MCC: variants seen among roughly 807,000 people sequenced by gnomAD.
The protein encoded by MCC is colorectal mutant cancer protein.
MCC carries 90 observed loss-of-function variants against 116.2 expected under a neutral mutation model. The observed-to-expected ratio is 0.77, with a 90% confidence interval of 0.65 to 0.92. The LOEUF (loss-of-function observed/expected upper bound fraction) is 0.92. MCC is among the 40% of genes least tolerant of loss of function. The pLI is 0.00. For missense variants in MCC, 1,516 were observed against 1,312.2 expected, an observed-to-expected ratio of 1.16 and a Z score of -2.40; for synonymous variants, 578 against 510.5, an observed-to-expected ratio of 1.13 and a Z score of -1.78.
chr5:113,458,177 C>G (rs1377090335), intron 1 of MCC, among the ~76,000 whole-genome samples: 1 of 152,180 alleles, frequency 6.6e-6, no homozygotes, highest in Admixed American at 6.5e-5. Flanking sequence ...AAGCTTTGTT[C>G]TTTTGCTCTT....
At position 113,053,924 on chromosome 5, in the gene MCC, T is replaced by C. The variant is rs755871271; in HGVS notation, c.2249A>G (p.Glu750Gly). The C allele has an allele frequency of 6.2e-7, 1 of 1,613,714 alleles. No homozygotes were observed. Among genetic ancestry groups the C allele is most frequent in the Admixed American group, 1.7e-5 (1 of 60,008 alleles). Reference sequence around the variant, plus strand: ...CCTCTGCTCGTCTTCTTTAGTGAACTCGGTGTCGCAACTACTGGCTGTGGA... The same window carrying C: ...CCTCTGCTCGTCTTCTTTAGTGAACCCGGTGTCGCAACTACTGGCTGTGGA... ...TSSTASSCDTEFTKEDEQRLK... is the reference protein window; with the variant it reads ...TSSTASSCDTGFTKEDEQRLK... Residue 750 changes from glutamate (E) to glycine (G), a missense_variant, in exon 15 of 19, where the codon GAG becomes GGG. Transcript: ENST00000408903.
intron 3 of MCC, among the ~76,000 whole-genome samples, chr5:113,339,677 T>C (rs1420637443): frequency 2.0e-5 from 3 of 152,218 alleles, no homozygotes; most frequent in African/African-American, 4.8e-5. Flanking sequence ...ATTGTTGCCA[T>C]ATTTACAATT....
chr5:113,475,647 A>G (rs1309992302), intron 1 of MCC, among the ~76,000 whole-genome samples: 1 of 152,180 alleles, frequency 6.6e-6, no homozygotes, highest in African/African-American at 2.4e-5. Flanking sequence ...TTTTCAATTT[A>G]TGGAACAAGA....
chr5:113,477,504 A>T (rs546713441), intron 1 of MCC, among the ~76,000 whole-genome samples: 2 of 152,336 alleles, frequency 1.3e-5, no homozygotes, highest in Non-Finnish European at 2.9e-5. Context: ...GTAAAGGGCA[A>T]CAAGCAAGGT....
At chr5:113,088,292 A>G (rs1755346084) in intron 8 of MCC, among the ~76,000 whole-genome samples, 1 of 152,044 alleles carries the variant, frequency 6.6e-6, no homozygotes, top group African/African-American at 2.4e-5. Flanking sequence ...TAAATGCAAG[A>G]AACTAAGGCT....
intron 1 of MCC, among the ~76,000 whole-genome samples, chr5:113,423,810 T>C (rs1449692937): frequency 2.0e-5 from 3 of 152,186 alleles, no homozygotes; most frequent in Non-Finnish European, 4.4e-5. Context: ...TTATTTTCTA[T>C]AGTGGCTGAT....
intron 2 of MCC, among the ~76,000 whole-genome samples, chr5:113,373,037 G>T (rs1768876944): frequency 6.6e-6 from 1 of 152,110 alleles, no homozygotes; most frequent in East Asian, 1.9e-4. Context: ...AAATTAGCCG[G>T]GCATGGTGGC....
chr5:113,464,854 T>C (rs958102075), intron 1 of MCC, among the ~76,000 whole-genome samples: 1 of 151,390 alleles, frequency 6.6e-6, no homozygotes, highest in African/African-American at 2.4e-5. Flanking sequence ...GGGGGAAAAT[T>C]AGAGAAACAA....
intron 1 of MCC, among the ~76,000 whole-genome samples, chr5:113,427,416 A>C (rs552787168): frequency 2.0e-5 from 3 of 152,362 alleles, no homozygotes; most frequent in Admixed American, 2.0e-4. Flanking sequence ...GACTTGTAAG[A>C]AAATCAAGTT....
intron 3 of MCC, among the ~76,000 whole-genome samples, chr5:113,227,533 G>A (rs1014250381): frequency 5.9e-5 from 9 of 152,070 alleles, no homozygotes; most frequent in African/African-American, 2.2e-4. Flanking sequence ...TATAGCTGTG[G>A]TGCTTATTCA....
In MCC at chr5:113,053,845, G is replaced by A; in HGVS notation, c.2328C>T (p.Thr776=). The A allele has an allele frequency of 6.2e-7, 1 of 1,614,058 alleles. No individual in the cohort carries two copies. The highest frequency in any genetic ancestry group is 8.5e-7 in the Non-Finnish European group (1 of 1,180,004). Residue 776 remains threonine, a synonymous_variant, in exon 15 of 19, where the codon ACC becomes ACT. Transcript: ENST00000408903. ...TGTGGATGCTTTCCAGCTCCAGCAT[G>A]GTCAGCTTGACCGCAGCCCTGTCAT... ...LKNDRAAVKL[T]MLELESIHID...
intron 17 of MCC, among the ~76,000 whole-genome samples, chr5:113,036,248 G>C (rs936739400): frequency 6.6e-6 from 1 of 151,994 alleles, no homozygotes; most frequent in Non-Finnish European, 1.5e-5. Context: ...ATGTTGGCCA[G>C]GCCAGTCTTG....
intron 2 of MCC, among the ~76,000 whole-genome samples, chr5:113,370,218 C>T (rs1326084295): frequency 6.6e-6 from 1 of 152,170 alleles, no homozygotes; most frequent in Non-Finnish European, 1.5e-5. Flanking sequence ...CTGTTGCCTT[C>T]TATGATTCAC....
At chr5:113,457,429 G>A (rs1038208387) in intron 1 of MCC, among the ~76,000 whole-genome samples, 1 of 152,224 alleles carries the variant, frequency 6.6e-6, no homozygotes. Context: ...GCCTACCCCC[G>A]CCTCCGTGGG....
intron 11 of MCC, among the ~76,000 whole-genome samples, chr5:113,072,660 T>C (rs1754118777): frequency 6.6e-6 from 1 of 152,184 alleles, no homozygotes; most frequent in South Asian, 2.1e-4. Flanking sequence ...TAGATGCTCA[T>C]TCTCTATAAA....
At chr5:113,030,536 C>G (rs190215329) in intron 17 of MCC, among the ~76,000 whole-genome samples, 41 of 152,104 alleles carry the variant, frequency 2.7e-4, no homozygotes, top group African/African-American at 9.4e-4. Context: ...AAAACTTAGC[C>G]AGATATGGTG....
At chr5:113,191,292 C>A (rs1274145434) in intron 3 of MCC, among the ~76,000 whole-genome samples, 1 of 152,164 alleles carries the variant, frequency 6.6e-6, no homozygotes, top group Non-Finnish European at 1.5e-5. Flanking sequence ...GGTTTGTGAG[C>A]CTGGGCTTTC....
chr5:113,304,540 G>A (rs1167266462), intron 3 of MCC, among the ~76,000 whole-genome samples: 1 of 152,144 alleles, frequency 6.6e-6, no homozygotes, highest in East Asian at 1.9e-4. Context: ...AATGATTTGA[G>A]ATTCACTACT....
At chr5:113,039,532 C>T (rs939039313) in intron 17 of MCC, among the ~76,000 whole-genome samples, 3 of 152,202 alleles carry the variant, frequency 2.0e-5, no homozygotes, top group Non-Finnish European at 4.4e-5. Flanking sequence ...ACCAGCCACA[C>T]AGCAGGTAGT....
Sources: allele counts gnomAD v4.1 joint callset (sites outside exome capture counted in the v4.1 genomes callset), GRCh38; gene constraint gnomAD v4.1.1; transcripts MANE v1.5; gene names NCBI Gene and HGNC (gene_info 2026-07-23, HGNC 2026-07-21).